Variants in SLC9A9 observed in about 807,000 individuals in gnomAD.
SLC9A9 encodes solute carrier family 9 member A9.
SLC9A9 carries 62 observed loss-of-function variants against 77.8 expected under a neutral mutation model. The ratio of observed to expected loss-of-function variants is 0.80; its 90% CI spans 0.65 to 0.98. The LOEUF is 0.98. Ranked by LOEUF, SLC9A9 falls within the 50% of genes least tolerant of loss-of-function variation. SLC9A9 has a pLI of 0.00. For synonymous variants in SLC9A9, 320 were observed against 283.5 expected, an observed-to-expected ratio of 1.13 and a Z score of -1.29; for missense variants, 775 against 774.9, an observed-to-expected ratio of 1.00 and a Z score of 0.00.
At chr3:143,479,362 C>T (rs2035535122) in intron 11 of SLC9A9, among the ~76,000 whole-genome samples, 1 of 152,056 alleles carries the variant, frequency 6.6e-6, no homozygotes, top group Non-Finnish European at 1.5e-5. Flanking sequence ...TCTTCCCAAC[C>T]TCAGCCTCCT....
chr3:143,460,330 T>A (rs1046531292), intron 12 of SLC9A9, among the ~76,000 whole-genome samples: 1 of 152,134 alleles, frequency 6.6e-6, no homozygotes. Flanking sequence ...GGAGAGAAAG[T>A]GGGTGGAGTA....
At chr3:143,408,058 C>G (rs770809163) in intron 12 of SLC9A9, among the ~76,000 whole-genome samples, 1 of 152,092 alleles carries the variant, frequency 6.6e-6, no homozygotes, top group Non-Finnish European at 1.5e-5. Context: ...GACTTTTTTT[C>G]TTTGAACACA....
intron 8 of SLC9A9, among the ~76,000 whole-genome samples, chr3:143,570,028 A>C (rs555440341): frequency 9.2e-5 from 14 of 151,506 alleles, no homozygotes; most frequent in Admixed American, 9.2e-4. Context: ...CTGGTCTGGA[A>C]CTCTTGGGCC....
chr3:143,515,244 G>A (rs921207855), intron 9 of SLC9A9, among the ~76,000 whole-genome samples: 1 of 152,062 alleles, frequency 6.6e-6, no homozygotes, highest in African/African-American at 2.4e-5. Context: ...AATTACAATA[G>A]TGACATCAAA....
At chr3:143,468,991 C>G (rs567720904) in intron 11 of SLC9A9, among the ~76,000 whole-genome samples, 2 of 152,150 alleles carry the variant, frequency 1.3e-5, no homozygotes, top group Admixed American at 6.6e-5. Context: ...GAAACCCCAT[C>G]TCTACTAAAA....
intron 12 of SLC9A9, among the ~76,000 whole-genome samples, chr3:143,466,001 C>T (rs2035274658): frequency 6.6e-6 from 1 of 152,162 alleles, no homozygotes; most frequent in Non-Finnish European, 1.5e-5. Flanking sequence ...CTTGTGAGAC[C>T]TGCAGTGAAT....
chr3:143,789,965 G>A (rs1195554512), intron 4 of SLC9A9, among the ~76,000 whole-genome samples: 2 of 152,176 alleles, frequency 1.3e-5, no homozygotes, highest in East Asian at 1.9e-4. Context: ...TGGTTTGGCT[G>A]TGTCCCTACC....
chr3:143,627,480 C>G, intron 6 of SLC9A9: 2 of 223,350 alleles, frequency 9.0e-6, no homozygotes, highest in Admixed American at 4.2e-5. Context: ...AGGCAAAGCC[C>G]TCAAACTTTT....
chr3:143,390,637 C>T (rs1045487130), intron 12 of SLC9A9, among the ~76,000 whole-genome samples: 15 of 152,148 alleles, frequency 9.9e-5, no homozygotes, highest in Admixed American at 2.0e-4. Context: ...GAGTGTGAGC[C>T]GAAGCAGGGC....
At chr3:143,427,251 C>T (rs1266248827) in intron 12 of SLC9A9, among the ~76,000 whole-genome samples, 1 of 152,196 alleles carries the variant, frequency 6.6e-6, no homozygotes, top group Non-Finnish European at 1.5e-5. Flanking sequence ...CATTCATGCA[C>T]ATAACAGATC....
At chr3:143,566,556 ATATTTCT>A (rs928039011) in intron 8 of SLC9A9, among the ~76,000 whole-genome samples, 13 of 152,036 alleles carry the variant, frequency 8.6e-5, no homozygotes, top group African/African-American at 3.1e-4. Context: ...CTTTTTCTTC[ATATTTCT>A]GGATGCCTGT....
chr3:143,788,475 G>C (rs1234393840), intron 4 of SLC9A9, among the ~76,000 whole-genome samples: 1 of 152,132 alleles, frequency 6.6e-6, no homozygotes, highest in East Asian at 1.9e-4. Context: ...TGGATCACCT[G>C]AGGTCAGGAG....
intron 2 of SLC9A9, among the ~76,000 whole-genome samples, chr3:143,822,566 G>GT (rs1486619759): frequency 6.6e-6 from 1 of 152,196 alleles, no homozygotes; most frequent in East Asian, 1.9e-4. Context: ...CCAGCTGTCT[G>GT]TGGAGCCTAC....
At chr3:143,832,556 T>A (rs2009464103) in intron 1 of SLC9A9, among the ~76,000 whole-genome samples, 1 of 152,134 alleles carries the variant, frequency 6.6e-6, no homozygotes, top group Non-Finnish European at 1.5e-5. Flanking sequence ...CACTGAGTCA[T>A]CTAATCAGGA....
At chr3:143,739,433 C>T (rs1317206887) in intron 4 of SLC9A9, among the ~76,000 whole-genome samples, 1 of 152,130 alleles carries the variant, frequency 6.6e-6, no homozygotes, top group Non-Finnish European at 1.5e-5. Flanking sequence ...GACCACCTGG[C>T]TAGAAAGTGT....
intron 4 of SLC9A9, among the ~76,000 whole-genome samples, chr3:143,727,704 A>G (rs538489810): frequency 6.6e-6 from 1 of 152,358 alleles, no homozygotes; most frequent in South Asian, 2.1e-4. Flanking sequence ...GAAAAAAGAC[A>G]GCTGAGAAAA....
At chr3:143,736,094 T>G (rs1389912700) in intron 4 of SLC9A9, among the ~76,000 whole-genome samples, 1 of 152,224 alleles carries the variant, frequency 6.6e-6, no homozygotes, top group Non-Finnish European at 1.5e-5. Flanking sequence ...GTTCTTTTTT[T>G]GGAACCTCCC....
At chr3:143,813,756 G>C (rs1162903504) in intron 2 of SLC9A9, among the ~76,000 whole-genome samples, 2 of 152,272 alleles carry the variant, frequency 1.3e-5, no homozygotes, top group East Asian at 3.9e-4. Flanking sequence ...AGGCAAAAGA[G>C]ACAATGAATT....
chr3:143,783,190 T>C (rs1267784779), intron 4 of SLC9A9, among the ~76,000 whole-genome samples: 2 of 152,118 alleles, frequency 1.3e-5, no homozygotes, highest in Non-Finnish European at 2.9e-5. Context: ...AGAGGATATG[T>C]GCTTTTGAAA....
Sources: gnomAD v4.1 joint callset for allele counts (sites outside exome capture counted in the v4.1 genomes callset) on GRCh38, gnomAD v4.1.1 for gene constraint, MANE v1.5 for transcripts, NCBI Gene and HGNC (gene_info 2026-07-23, HGNC 2026-07-21) for gene names.